The following TMTC2 variants were observed in gnomAD, a reference collection of about 807,000 sequenced individuals.
TMTC2 encodes protein O-mannosyl-transferase TMTC2.
Under a neutral mutation model 82.4 loss-of-function variants are expected in TMTC2, and 43 were observed. The ratio of observed to expected loss-of-function variants is 0.52; its 90% CI spans 0.41 to 0.67. The LOEUF (loss-of-function observed/expected upper bound fraction) is 0.67. Ranked by LOEUF, TMTC2 falls within the 30% of genes least tolerant of loss-of-function variation. TMTC2 has a pLI of 0.00. For synonymous variants in TMTC2, 408 were observed against 381.9 expected, an observed-to-expected ratio of 1.07 and a Z score of -0.80; for missense variants, 919 against 1,012.4, an observed-to-expected ratio of 0.91 and a Z score of 1.25.
intron 1 of TMTC2, among the ~76,000 whole-genome samples, chr12:82,710,542 TAC>T (rs1174673092): frequency 6.6e-5 from 10 of 152,354 alleles, no homozygotes; most frequent in African/African-American, 2.2e-4. Context: ...GTTGGATACT[TAC>T]GTGAAGGTCT....
chr12:83,091,388 T>C (rs1265064093), intron 11 of TMTC2, among the ~76,000 whole-genome samples: 3 of 152,220 alleles, frequency 2.0e-5, no homozygotes, highest in Non-Finnish European at 2.9e-5. Context: ...TTTCCTTACA[T>C]ATTTTTTTAC....
intron 1 of TMTC2, among the ~76,000 whole-genome samples, chr12:82,754,086 A>G (rs959818290): frequency 6.6e-6 from 1 of 152,232 alleles, no homozygotes; most frequent in Non-Finnish European, 1.5e-5. Flanking sequence ...GATACCCCAA[A>G]GAAATGATAT....
intron 1 of TMTC2, among the ~76,000 whole-genome samples, chr12:82,818,640 C>A (rs532892465): frequency 6.6e-6 from 1 of 152,242 alleles, no homozygotes; most frequent in Non-Finnish European, 1.5e-5. Context: ...CTCTCAAATA[C>A]CTCATATGGG....
At chr12:82,701,195 T>C (rs1008095513) in intron 1 of TMTC2, among the ~76,000 whole-genome samples, 2 of 152,188 alleles carry the variant, frequency 1.3e-5, no homozygotes, top group African/African-American at 2.4e-5. Context: ...CTACAGTATA[T>C]ATCTTAGGTA....
At chr12:82,723,334 G>A (rs1222894799) in intron 1 of TMTC2, among the ~76,000 whole-genome samples, 6 of 152,148 alleles carry the variant, frequency 3.9e-5, no homozygotes, top group East Asian at 1.9e-4. Context: ...AGCTCCAACC[G>A]CAGCTTTCTG....
intron 1 of TMTC2, among the ~76,000 whole-genome samples, chr12:82,786,536 A>G (rs911261255): frequency 2.6e-5 from 4 of 152,116 alleles, no homozygotes; most frequent in Non-Finnish European, 5.9e-5. Flanking sequence ...ATTTTTTGAT[A>G]GTGAAAAAAT....
At chr12:83,078,303 T>G (rs1457466191) in intron 11 of TMTC2, among the ~76,000 whole-genome samples, 1 of 152,148 alleles carries the variant, frequency 6.6e-6, no homozygotes, top group Non-Finnish European at 1.5e-5. Context: ...AAGAGAGACT[T>G]TGTCATCCTG....
intron 1 of TMTC2, among the ~76,000 whole-genome samples, chr12:82,774,769 AG>A (rs1877499260): frequency 1.3e-5 from 2 of 148,548 alleles, no homozygotes; most frequent in African/African-American, 2.5e-5. Context: ...AGGTGATGGG[AG>A]GGGTGGCACA....
At chr12:82,912,139 T>C (rs1874705616) in intron 3 of TMTC2, among the ~76,000 whole-genome samples, 1 of 152,256 alleles carries the variant, frequency 6.6e-6, no homozygotes, top group Admixed American at 6.5e-5. Context: ...TAATATCTTT[T>C]TTGGAAGCAC....
rs767238654 is a variant in TMTC2 at position 82,965,575 on chromosome 12, C to T, written c.1700C>T (p.Thr567Ile). The change falls in exon 6 of 12, where the codon ACC (threonine) becomes ATC (isoleucine). Residue 567 changes from threonine to isoleucine, a missense_variant. Physicochemically the swap from Thr to Ile is moderately conservative, Grantham distance 89 (BLOSUM62 -1). Coordinates refer to ENST00000321196, the MANE Select transcript of TMTC2 (RefSeq NM_152588.3). Reference protein sequence around the residue: ...RPTLASAYLNTGIILMNQGRT... With the variant: ...RPTLASAYLNIGIILMNQGRT... ...TCCCCCTCAGCTGCATATTTAAATA[C>T]CGGTATTATTCTAATGAACCAAGGA... 2 of 1,613,510 alleles carry T rather than the reference C, an allele frequency of 1.2e-6. No homozygotes were observed. The highest frequency in any genetic ancestry group is 1.7e-5 in the Admixed American group (1 of 59,958).
At chr12:83,061,283 C>T (rs747291162) in intron 10 of TMTC2, among the ~76,000 whole-genome samples, 3 of 151,754 alleles carry the variant, frequency 2.0e-5, no homozygotes, top group Non-Finnish European at 4.4e-5. Flanking sequence ...GTTAACTACA[C>T]AGGAAAACAT....
At chr12:83,040,546 A>G (rs1335986790) in intron 9 of TMTC2, among the ~76,000 whole-genome samples, 1 of 152,182 alleles carries the variant, frequency 6.6e-6, no homozygotes, top group African/African-American at 2.4e-5. Flanking sequence ...TACAGATGTG[A>G]AAAGTGAAGA....
chr12:82,828,951 C>A (rs913290429), intron 1 of TMTC2, among the ~76,000 whole-genome samples: 1 of 152,004 alleles, frequency 6.6e-6, no homozygotes, highest in South Asian at 2.1e-4. Context: ...ACCCTTAAAA[C>A]GAAAATGGAA....
intron 11 of TMTC2, among the ~76,000 whole-genome samples, chr12:83,104,372 C>T (rs1309098223): frequency 6.6e-6 from 1 of 152,188 alleles, no homozygotes; most frequent in Admixed American, 6.5e-5. Context: ...TGTAAGGGCC[C>T]CACCCCTAAA....
chr12:83,103,935 A>C (rs1172118886), intron 11 of TMTC2, among the ~76,000 whole-genome samples: 1 of 152,252 alleles, frequency 6.6e-6, no homozygotes, highest in African/African-American at 2.4e-5. Context: ...CAAAGGAGGT[A>C]TAGGCATTGC....
intron 11 of TMTC2, among the ~76,000 whole-genome samples, chr12:83,099,422 G>A (rs1300340572): frequency 6.6e-6 from 1 of 152,104 alleles, no homozygotes; most frequent in Non-Finnish European, 1.5e-5. Flanking sequence ...CATTTTAAAT[G>A]TACACTTGTG....
chr12:82,929,566 C>T (rs1875913724), intron 3 of TMTC2, among the ~76,000 whole-genome samples: 1 of 152,102 alleles, frequency 6.6e-6, no homozygotes, highest in African/African-American at 2.4e-5. Context: ...TTTTCAGGTA[C>T]AGTCAGTAGT....
At chr12:82,730,082 C>T (rs990070084) in intron 1 of TMTC2, among the ~76,000 whole-genome samples, 12 of 152,080 alleles carry the variant, frequency 7.9e-5, no homozygotes, top group African/African-American at 2.9e-4. Context: ...CCTTTAAGAA[C>T]TGTAACACTC....
intron 11 of TMTC2, among the ~76,000 whole-genome samples, chr12:83,062,227 T>G (rs1882769721): frequency 6.6e-6 from 1 of 151,818 alleles, no homozygotes; most frequent in African/African-American, 2.4e-5. Context: ...TAGTCAGACC[T>G]CAAGCTGTAT....
Sources: allele counts gnomAD v4.1 joint callset (sites outside exome capture counted in the v4.1 genomes callset), GRCh38; gene constraint gnomAD v4.1.1; transcripts MANE v1.5; gene names NCBI Gene and HGNC (gene_info 2026-07-23, HGNC 2026-07-21).